Variants in FLOT1 observed in about 807,000 individuals in gnomAD.
The protein encoded by FLOT1 is flotillin-1.
FLOT1 carries 40 observed loss-of-function variants against 58.4 expected under a neutral mutation model. That is an observed-to-expected ratio of 0.69 (90% confidence interval 0.53 to 0.89). The LOEUF (loss-of-function observed/expected upper bound fraction) is 0.89. Ranked by LOEUF, FLOT1 falls within the 40% of genes least tolerant of loss-of-function variation. The probability of loss-of-function intolerance (pLI) is 0.00; values close to 1 mark genes in which losing one functional copy is unlikely to be tolerated. For synonymous variants in FLOT1, 178 were observed against 204.2 expected, an observed-to-expected ratio of 0.87 and a Z score of 1.09; for missense variants, 423 against 540.8, an observed-to-expected ratio of 0.78 and a Z score of 2.16.
intron 8 of FLOT1, among the ~76,000 whole-genome samples, chr6:30,739,034 G>A (rs758520860): frequency 6.6e-6 from 1 of 152,132 alleles, no homozygotes; most frequent in Non-Finnish European, 1.5e-5. Context: ...TCTCAGATAC[G>A]AATAATGAAG....
chr6:30,742,424 G>T lies in FLOT1; in HGVS notation c.-15+103C>A. On this transcript the variant is annotated intron_variant, in intron 1 of 12. Transcript: ENST00000376389. The surrounding 1 kb of genome is among the most constrained non-coding windows in gnomAD (Gnocchi z 5.2). ...GTATGGTCCCTCCCTTCCCCTCGCC[G>T]CTCCCTTTGATAAAGGTCCCCCGCG... is the stretch of plus-strand genomic sequence containing the variant. The T allele has an allele frequency of 3.4e-6, 2 of 586,632 alleles. No homozygotes were observed. Among genetic ancestry groups the T allele is most frequent in the East Asian group, 3.0e-5 (1 of 33,578 alleles). The allele number at this position is 586,632 out of a possible 1,614,324, so 36.3% of individuals were successfully genotyped here. A position where few individuals can be genotyped will look rare whatever the true frequency, so the allele number is the denominator to read the frequency against.
intron 6 of FLOT1, 35 bp downstream of exon 6, chr6:30,740,644 A>G (rs759456227): frequency 6.2e-7 from 1 of 1,612,960 alleles, no homozygotes; most frequent in Non-Finnish European, 8.5e-7. Flanking sequence ...AGATGGGAGC[A>G]AGGAAGTGGG....
rs1184236240 is a variant in FLOT1, at chr6:30,728,092, TG to T, written c.*23del. ...ATTCAGGCAACTTCAGCTATGAGGC[TG>T]GGCATCTGTGAGGGCTGAAGGCTCA... On this transcript the variant is annotated 3_prime_UTR_variant, in exon 13 of 13. Coordinates refer to ENST00000376389, the MANE Select transcript of FLOT1 (RefSeq NM_005803.4). 1.9e-6 allele frequency: 3 copies of T among 1,611,800 alleles called. No homozygotes were observed. The highest frequency in any genetic ancestry group is 2.5e-6 in the Non-Finnish European group (3 of 1,178,894).
chr6:30,731,376 C>T (rs1313076313), intron 8 of FLOT1, among the ~76,000 whole-genome samples: 5 of 150,792 alleles, frequency 3.3e-5, no homozygotes, highest in Non-Finnish European at 7.4e-5. Context: ...TCCCAGCCAC[C>T]CGGGAGGCTG....
chr6:30,730,255 G>A (rs1354208138), intron 11 of FLOT1, 69 bp from the exon 12 acceptor site: 129 of 1,564,562 alleles, frequency 8.2e-5, no homozygotes, highest in Non-Finnish European at 1.1e-4. Context: ...AACTTACTCT[G>A]GGTTTTAAGG....
At chr6:30,733,267 C>T (rs1777324996) in intron 8 of FLOT1, among the ~76,000 whole-genome samples, 1 of 152,070 alleles carries the variant, frequency 6.6e-6, no homozygotes, top group African/African-American at 2.4e-5. Flanking sequence ...AACTCCTTAT[C>T]TCAGGTGATC....
intron 8 of FLOT1, among the ~76,000 whole-genome samples, chr6:30,731,563 CCA>C (rs376643983): frequency 2.3e-3 from 353 of 151,520 alleles, no homozygotes; most frequent in Admixed American, 5.7e-3. Context: ...CCAGTGGAGT[CCA>C]GTGTTTCTCT....
Position 30,730,561 on chromosome 6 carries a change from C to T in FLOT1, c.956G>A (p.Arg319His), listed in dbSNP as rs773020676. ...TATGGCAAAGGCCTCAGCTTCCCCACGCATCTGAGGGTTAAGGATGCTTGT... is the reference window on the plus strand; with the variant it reads ...TATGGCAAAGGCCTCAGCTTCCCCATGCATCTGAGGGTTAAGGATGCTTGT... The part of the protein sequence containing the change: ...AEAEAASVRM[R>H]GEAEAFAIGA... Residue 319 changes from arginine to histidine, a missense_variant, in exon 11 of 13, where the codon CGT (arginine) becomes CAT (histidine). Transcript: ENST00000376389. 1.2e-6 allele frequency: 2 copies of T among 1,611,130 alleles called. No individual in the cohort carries two copies. Among genetic ancestry groups the T allele is most frequent in the Non-Finnish European group, 8.5e-7 (1 of 1,177,964 alleles).
intron 12 of FLOT1, among the ~76,000 whole-genome samples, chr6:30,729,176 G>C (rs1446510643): frequency 2.0e-5 from 3 of 151,770 alleles, no homozygotes; most frequent in Non-Finnish European, 4.4e-5. Context: ...CTGGGTTCCA[G>C]CAATTCTCCT....
rs756287633 is a variant in FLOT1, at chr6:30,730,494, C to T, written c.1023G>A (p.Lys341=). The change falls in exon 11 of 13, where the codon AAG becomes AAA. Residue 341 remains lysine (K), a synonymous_variant. Transcript: ENST00000376389. ...ARAEAEQMAK[K]AEAFQLYQEA... The stretch of plus-strand genomic sequence containing the variant: ...CTTGGTACAGCTGGAAGGCTTCTGC[C>T]TTCTTGGCCATCTGCTCAGCCTCGG... The T allele has an allele frequency of 1.7e-5, 28 of 1,610,180 alleles. No homozygotes were observed. Among genetic ancestry groups the T allele is most frequent in the Non-Finnish European group, 2.4e-5 (28 of 1,177,108 alleles).
Position 30,730,457 on chromosome 6 carries a change from G to C in FLOT1, c.1060C>G (p.Leu354Val). ...AFQLYQEAAQ[L>V]DMLLEKLPQV... ...GGCAGCTTCTCTAGCAGCATGTCCA[G>C]CTGAGCAGCCTCTTGGTACAGCTGG... The change falls in exon 11 of 13, where the codon CTG (leucine) becomes GTG (valine). Residue 354 changes from leucine to valine, a missense_variant. By Grantham distance (32) the Leu-to-Val change is conservative. This residue lies in a region of FLOT1 where 42 missense variants were observed against 74.4 expected (regional missense o/e 0.56). Transcript: ENST00000376389. The C allele has an allele frequency of 6.3e-7, 1 of 1,591,790 alleles. No individual in the cohort carries two copies. The highest frequency in any genetic ancestry group is 8.6e-7 in the Non-Finnish European group (1 of 1,166,330).
At position 30,741,326 on chromosome 6, in the gene FLOT1, A is replaced by G; in HGVS notation, c.218T>C (p.Ile73Thr). The G allele has an allele frequency of 6.2e-7, 1 of 1,612,948 alleles. No homozygotes were observed. Among genetic ancestry groups the G allele is most frequent in the Non-Finnish European group, 8.5e-7 (1 of 1,180,004 alleles). Reference sequence around the variant, plus strand: ...CAACATCTCCTTGTTCTGCCCCTGGATTTTTACCTGTAGCCAGAGTAGGGG... The same window carrying G: ...CAACATCTCCTTGTTCTGCCCCTGGGTTTTTACCTGTAGCCAGAGTAGGGG... ...ISVTGIAQVK[I>T]QGQNKEMLAA... The change falls in exon 5 of 13, where the codon ATC becomes ACC. Residue 73 changes from isoleucine (I) to threonine (T), a missense_variant. This residue lies in a region of FLOT1 where 91 missense variants were observed against 118.3 expected (regional missense o/e 0.77). Transcript: ENST00000376389. The surrounding 1 kb of genome is among the most constrained non-coding windows in gnomAD (Gnocchi z 5.9).
intron 8 of FLOT1, among the ~76,000 whole-genome samples, chr6:30,736,828 C>T (rs886436970): frequency 2.6e-5 from 4 of 152,014 alleles, no homozygotes; most frequent in South Asian, 2.1e-4. Flanking sequence ...CTCCTGACCT[C>T]GTGATCTGCC....
At chr6:30,740,068 A>C (rs1777855942) in intron 8 of FLOT1, 90 bp downstream of exon 8, 1 of 1,280,378 alleles carries the variant, frequency 7.8e-7, no homozygotes. Flanking sequence ...ACCAAAGTTA[A>C]AGTATGAGAA....
chr6:30,741,371 G>C lies in FLOT1; in HGVS notation c.211-38C>G. On this transcript the variant is annotated intron_variant, in intron 4 of 12. Coordinates refer to ENST00000376389, the MANE Select transcript of FLOT1 (RefSeq NM_005803.4). This position sits in a 1 kb window ranked among gnomAD's most constrained non-coding sequence, Gnocchi z 5.9. ...TAGGGGTAGGAAAGGTGTGGTGGGG[G>C]TCTCATGAAGTCAGAGAAAAAGCAG... 1 of 1,610,894 alleles carries C rather than the reference G, an allele frequency of 6.2e-7. No homozygotes were observed. Among genetic ancestry groups the C allele is most frequent in the Non-Finnish European group, 8.5e-7 (1 of 1,178,348 alleles).
intron 11 of FLOT1, 107 bp from the exon 12 acceptor site, chr6:30,730,293 A>C: frequency 6.7e-7 from 1 of 1,499,876 alleles, no homozygotes. Context: ...ATCCTTCCTC[A>C]CTTTGGTCAC....
intron 8 of FLOT1, among the ~76,000 whole-genome samples, chr6:30,731,391 A>G (rs1777184402): frequency 6.7e-6 from 1 of 150,114 alleles, no homozygotes; most frequent in Admixed American, 6.8e-5. Context: ...AGGCTGAGGC[A>G]GGAGAATTGC....
chr6:30,740,845 T>TG (rs1335243411), intron 5 of FLOT1, 47 bp from the exon 6 acceptor site: 1 of 1,567,814 alleles, frequency 6.4e-7, no homozygotes, highest in East Asian at 2.2e-5. Context: ...TTTTTTTTTT[T>TG]TTTTTTTTTT....
intron 7 of FLOT1, 36 bp from the exon 8 acceptor site, chr6:30,740,346 CA>C (rs1337415095): frequency 6.2e-7 from 1 of 1,611,512 alleles, no homozygotes; most frequent in Non-Finnish European, 8.5e-7. Flanking sequence ...AATGTCAGGG[CA>C]GGGGGAGAAA....
Sources: allele counts gnomAD v4.1 joint callset (sites outside exome capture counted in the v4.1 genomes callset), GRCh38; gene constraint gnomAD v4.1.1; regional missense constraint gnomAD v4.1.1; non-coding constraint Gnocchi (gnomAD v3.1); transcripts MANE v1.5; gene names NCBI Gene and HGNC (gene_info 2026-07-23, HGNC 2026-07-21).